The following ACMSD variants were observed in gnomAD, a reference collection of about 807,000 sequenced individuals.
ACMSD encodes aminocarboxymuconate semialdehyde decarboxylase, also known as 2-amino-3-carboxymuconate-6-semialdehyde decarboxylase.
Under a neutral mutation model 45.9 loss-of-function variants are expected in ACMSD, and 37 were observed. The ratio of observed to expected loss-of-function variants is 0.81; its 90% CI spans 0.62 to 1.06. The LOEUF (loss-of-function observed/expected upper bound fraction) is 1.06, where lower values mean the gene tolerates loss of function less well. Among genes scored for constraint, ACMSD ranks in the 50% least tolerant of loss-of-function variants. The pLI is 0.00. For synonymous variants in ACMSD, 138 were observed against 148.8 expected (o/e 0.93, Z 0.53); for missense variants, 434 against 420.9 (o/e 1.03, Z -0.27).
intron 1 of ACMSD, among the ~76,000 whole-genome samples, chr2:134,842,818 A>C (rs1257559223): frequency 6.6e-6 from 1 of 152,190 alleles, no homozygotes; most frequent in African/African-American, 2.4e-5. Context: ...TTTCACACCA[A>C]CAAAGTCAAG....
At chr2:134,858,505 T>C (rs1687688098) in intron 2 of ACMSD, among the ~76,000 whole-genome samples, 1 of 152,126 alleles carries the variant, frequency 6.6e-6, no homozygotes, top group South Asian at 2.1e-4. Context: ...GCTAAAAGAA[T>C]AGATTTTAAG....
intron 6 of ACMSD, among the ~76,000 whole-genome samples, chr2:134,870,149 G>A (rs1439309964): frequency 1.3e-5 from 2 of 152,192 alleles, no homozygotes; most frequent in South Asian, 2.1e-4. Context: ...GCTGTGGAGC[G>A]GTCAGATTTC....
At chr2:134,892,595 C>T (rs1271212987) in intron 8 of ACMSD, among the ~76,000 whole-genome samples, 1 of 152,182 alleles carries the variant, frequency 6.6e-6, no homozygotes, top group Admixed American at 6.5e-5. Flanking sequence ...ATTCTACAAT[C>T]TCCTGCCTGT....
chr2:134,838,796 C>T (rs184681634), intron 1 of ACMSD, 57 bp downstream of exon 1: 41 of 1,357,956 alleles, frequency 3.0e-5, no homozygotes, highest in Non-Finnish European at 3.5e-5. Flanking sequence ...TTTCTCAATG[C>T]CTTTCTCTTC....
At chr2:134,859,816 G>C (rs1245024694) in intron 3 of ACMSD, 1 of 152,160 alleles carries the variant, frequency 6.6e-6, no homozygotes, top group Non-Finnish European at 1.5e-5. Flanking sequence ...AATGGAAGCA[G>C]TTAAAAATAG....
chr2:134,868,331 T>C (rs7564746), intron 6 of ACMSD, among the ~76,000 whole-genome samples: 5,769 of 152,240 alleles, frequency 0.038, 242 homozygotes, highest in East Asian at 0.14. Context: ...TCATCATCAG[T>C]TGTGGTAAGA....
At chr2:134,840,554 A>C (rs1686759676) in intron 1 of ACMSD, among the ~76,000 whole-genome samples, 1 of 152,174 alleles carries the variant, frequency 6.6e-6, no homozygotes, top group African/African-American at 2.4e-5. Context: ...GCCCTTATAA[A>C]GTAAGCCCAA....
chr2:134,865,415 A>G (rs1459704058), intron 5 of ACMSD, among the ~76,000 whole-genome samples: 1 of 152,210 alleles, frequency 6.6e-6, no homozygotes, highest in African/African-American at 2.4e-5. Flanking sequence ...TTTATGAATT[A>G]CTAAGGGACT....
At chr2:134,845,354 G>A (rs1573614901) in intron 2 of ACMSD, 77 bp downstream of exon 2, 9 of 1,525,712 alleles carry the variant, frequency 5.9e-6, no homozygotes, top group South Asian at 1.1e-5. Flanking sequence ...TGCAGGCTGG[G>A]CCTCCAGGGA....
chr2:134,858,610 A>C (rs1687694193), intron 2 of ACMSD, among the ~76,000 whole-genome samples: 2 of 152,206 alleles, frequency 1.3e-5, no homozygotes, highest in Admixed American at 1.3e-4. Context: ...ATCAAAAGAT[A>C]ATGTTGTACA....
chr2:134,898,559 T>C (rs1690315770), intron 9 of ACMSD, 120 bp downstream of exon 9: 1 of 540,288 alleles, frequency 1.9e-6, no homozygotes, highest in Admixed American at 4.0e-5. Context: ...CTGAATTCCC[T>C]AAAACTATTA....
chr2:134,895,543 T>C (rs973949453), intron 8 of ACMSD, among the ~76,000 whole-genome samples: 1 of 151,340 alleles, frequency 6.6e-6, no homozygotes, highest in Non-Finnish European at 1.5e-5. Context: ...CAAAAATTGA[T>C]AAGCTGATCC....
chr2:134,897,428 T>C (rs1271397217), intron 8 of ACMSD, among the ~76,000 whole-genome samples: 1 of 151,618 alleles, frequency 6.6e-6, no homozygotes, highest in African/African-American at 2.4e-5. Context: ...GTATTCTTTA[T>C]TCTTTTCTAT....
chr2:134,854,256 CTA>C (rs1687477949), intron 2 of ACMSD, among the ~76,000 whole-genome samples: 1 of 152,166 alleles, frequency 6.6e-6, no homozygotes, highest in Non-Finnish European at 1.5e-5. Context: ...TCTTTACATT[CTA>C]TGATTGAATC....
intron 8 of ACMSD, among the ~76,000 whole-genome samples, chr2:134,876,038 CAT>C (rs1688715522): frequency 6.6e-6 from 1 of 152,062 alleles, no homozygotes; most frequent in African/African-American, 2.4e-5. Context: ...TGTAGCGAAA[CAT>C]ATCTAAACAT....
chr2:134,853,108 A>G (rs1004179815), intron 2 of ACMSD, among the ~76,000 whole-genome samples: 2 of 149,156 alleles, frequency 1.3e-5, no homozygotes, highest in Non-Finnish European at 3.0e-5. Context: ...GATTGCAGTG[A>G]GCCGAGATCG....
At chr2:134,887,345 T>C (rs1020002145) in intron 8 of ACMSD, among the ~76,000 whole-genome samples, 1 of 152,218 alleles carries the variant, frequency 6.6e-6, no homozygotes, top group Non-Finnish European at 1.5e-5. Context: ...GATATTGGCA[T>C]AAGGAAAGAC....
chr2:134,882,953 T>C (rs1228171470), intron 8 of ACMSD, among the ~76,000 whole-genome samples: 2 of 152,158 alleles, frequency 1.3e-5, no homozygotes, highest in Middle Eastern at 3.2e-3. Context: ...CTTGACCTCA[T>C]AGGGAGATGT....
At chr2:134,882,499 C>G (rs568690700) in intron 8 of ACMSD, among the ~76,000 whole-genome samples, 1 of 152,286 alleles carries the variant, frequency 6.6e-6, no homozygotes, top group South Asian at 2.1e-4. Flanking sequence ...TTTTCATTAC[C>G]TACTCCAGCA....
Sources: gnomAD v4.1 joint callset for allele counts (sites outside exome capture counted in the v4.1 genomes callset) on GRCh38, gnomAD v4.1.1 for gene constraint, MANE v1.5 for transcripts, NCBI Gene and HGNC (gene_info 2026-07-23, HGNC 2026-07-21) for gene names.